Variants in PTPRT observed in about 807,000 individuals in gnomAD.
The protein encoded by PTPRT is protein tyrosine phosphatase receptor type T.
In PTPRT, 56 loss-of-function variants were observed where a neutral mutation model predicts 176.8. That is an observed-to-expected ratio of 0.32 (90% CI 0.26 to 0.40). The LOEUF (loss-of-function observed/expected upper bound fraction) is 0.40. PTPRT is among the 10% of genes least tolerant of loss of function. PTPRT has a pLI of 1.00. For synonymous variants in PTPRT, 783 were observed against 739.0 expected, an observed-to-expected ratio of 1.06 and a Z score of -0.96; for missense variants, 1,540 against 1,908.2, an observed-to-expected ratio of 0.81 and a Z score of 3.60.
chr20:42,498,308 A>G (rs2071690359), intron 7 of PTPRT, among the ~76,000 whole-genome samples: 2 of 152,154 alleles, frequency 1.3e-5, no homozygotes, highest in Admixed American at 6.6e-5. Flanking sequence ...GGCAGGGGGC[A>G]GGGGCGGTTG....
At chr20:42,566,017 G>C (rs1039888877) in intron 7 of PTPRT, among the ~76,000 whole-genome samples, 10 of 152,128 alleles carry the variant, frequency 6.6e-5, no homozygotes, top group South Asian at 6.2e-4. Flanking sequence ...TACTCAGCTA[G>C]AGAGTATATT....
intron 1 of PTPRT, among the ~76,000 whole-genome samples, chr20:42,930,924 C>G (rs989967831): frequency 6.6e-6 from 1 of 152,144 alleles, no homozygotes; most frequent in Non-Finnish European, 1.5e-5. Context: ...TAGCTGGTAT[C>G]TAGAATATAG....
intron 15 of PTPRT, among the ~76,000 whole-genome samples, chr20:42,199,972 A>G (rs890010256): frequency 6.6e-6 from 1 of 152,158 alleles, no homozygotes; most frequent in Non-Finnish European, 1.5e-5. Context: ...GGATATTATC[A>G]TAATATAACT....
intron 1 of PTPRT, among the ~76,000 whole-genome samples, chr20:43,019,683 G>A (rs111648687): frequency 1.3e-5 from 2 of 151,234 alleles, no homozygotes; most frequent in African/African-American, 4.9e-5. Flanking sequence ...ATTTCCAGGA[G>A]AGACTGATGT....
At chr20:42,612,250 C>T (rs961819144) in intron 7 of PTPRT, among the ~76,000 whole-genome samples, 2 of 152,218 alleles carry the variant, frequency 1.3e-5, no homozygotes, top group African/African-American at 2.4e-5. Context: ...AAATGCTTAA[C>T]AGCAGTCAGG....
chr20:42,664,935 C>G (rs2075287281), intron 7 of PTPRT, among the ~76,000 whole-genome samples: 1 of 152,168 alleles, frequency 6.6e-6, no homozygotes, highest in South Asian at 2.1e-4. Flanking sequence ...ACACGCCTTA[C>G]ACAAAAATTA....
chr20:42,434,171 C>T (rs943426100), intron 9 of PTPRT, among the ~76,000 whole-genome samples: 24 of 151,988 alleles, frequency 1.6e-4, no homozygotes, highest in Admixed American at 1.4e-3. Flanking sequence ...GTGTTATTTC[C>T]ACTCCCTATT....
At chr20:42,090,298 G>C (rs1443104784) in intron 27 of PTPRT, among the ~76,000 whole-genome samples, 1 of 151,366 alleles carries the variant, frequency 6.6e-6, no homozygotes, top group Admixed American at 6.6e-5. Flanking sequence ...ATACTCAAAG[G>C]ACTGCCCGTG....
At chr20:42,612,213 G>C (rs758251732) in intron 7 of PTPRT, among the ~76,000 whole-genome samples, 5 of 152,144 alleles carry the variant, frequency 3.3e-5, no homozygotes, top group Non-Finnish European at 7.4e-5. Context: ...ATTGTTCTTC[G>C]ATATATGACA....
intron 7 of PTPRT, among the ~76,000 whole-genome samples, chr20:42,676,927 G>T (rs1009330404): frequency 6.6e-6 from 1 of 152,118 alleles, no homozygotes; most frequent in African/African-American, 2.4e-5. Context: ...TGGATCCAGA[G>T]AATCTCTCCC....
intron 19 of PTPRT, among the ~76,000 whole-genome samples, 173 bp from the exon 20 acceptor site, chr20:42,120,144 G>A (rs1032750006): frequency 6.6e-6 from 1 of 152,172 alleles, no homozygotes; most frequent in African/African-American, 2.4e-5. Flanking sequence ...CATAAAGTGT[G>A]TAGTAAGTCA....
intron 7 of PTPRT, among the ~76,000 whole-genome samples, chr20:42,625,131 G>A (rs1301344974): frequency 6.6e-6 from 1 of 152,190 alleles, no homozygotes; most frequent in Non-Finnish European, 1.5e-5. Flanking sequence ...TGCAACTGCA[G>A]TAAAATGGAT....
intron 7 of PTPRT, among the ~76,000 whole-genome samples, chr20:42,526,362 T>C (rs1183837344): frequency 6.6e-6 from 1 of 152,176 alleles, no homozygotes; most frequent in Admixed American, 6.5e-5. Flanking sequence ...TTCCTCATTG[T>C]TGTTCATGCC....
At chr20:43,110,708 GT>G (rs1175727962) in intron 1 of PTPRT, among the ~76,000 whole-genome samples, 1 of 152,230 alleles carries the variant, frequency 6.6e-6, no homozygotes, top group Non-Finnish European at 1.5e-5. Flanking sequence ...CTCCCAGGAA[GT>G]GGGGAGGTAG....
chr20:42,438,775 A>T (rs2059285584), intron 9 of PTPRT, among the ~76,000 whole-genome samples: 1 of 152,228 alleles, frequency 6.6e-6, no homozygotes, highest in Non-Finnish European at 1.5e-5. Context: ...TGGCAGGACA[A>T]CATGGTTTGC....
intron 1 of PTPRT, among the ~76,000 whole-genome samples, chr20:43,185,948 C>T (rs2015380217): frequency 2.0e-5 from 3 of 151,156 alleles, no homozygotes; most frequent in African/African-American, 7.3e-5. Flanking sequence ...AAAAAGGAAA[C>T]TAAAAATCAT....
intron 9 of PTPRT, among the ~76,000 whole-genome samples, chr20:42,358,685 C>T (rs929439417): frequency 6.6e-6 from 1 of 152,170 alleles, no homozygotes; most frequent in Non-Finnish European, 1.5e-5. Context: ...TGCTTTTGTG[C>T]AAAGTAGAAA....
At chr20:42,069,973 T>A (rs1982253321), downstream of PTPRT, among the ~76,000 whole-genome samples, 1 of 152,186 alleles carries the variant, frequency 6.6e-6, no homozygotes, top group Non-Finnish European at 1.5e-5. Context: ...CTCAGTCCTG[T>A]CATTAAATTT....
At chr20:42,815,581 C>G (rs921293016) in intron 2 of PTPRT, among the ~76,000 whole-genome samples, 11 of 152,102 alleles carry the variant, frequency 7.2e-5, no homozygotes, top group African/African-American at 2.4e-4. Context: ...TTCATCCAAG[C>G]CTGATATTAA....
Sources: allele counts gnomAD v4.1 joint callset (sites outside exome capture counted in the v4.1 genomes callset), GRCh38; gene constraint gnomAD v4.1.1; transcripts MANE v1.5; gene names NCBI Gene and HGNC (gene_info 2026-07-23, HGNC 2026-07-21).